Variants in NIN observed in about 807,000 individuals in gnomAD.
The protein encoded by NIN is ninein.
Under a neutral mutation model 257.6 loss-of-function variants are expected in NIN, and 137 were observed. The ratio of observed to expected loss-of-function variants is 0.53; its 90% confidence interval spans 0.46 to 0.61. NIN has a LOEUF of 0.61. Ranked by LOEUF, NIN falls within the 20% of genes least tolerant of loss-of-function variation. NIN has a pLI of 0.00. For synonymous variants in NIN, 918 were observed against 919.8 expected (o/e 1.00, Z 0.04); for missense variants, 2,439 against 2,501.2 (o/e 0.98, Z 0.53).
At chr14:50,751,954 T>C (rs1268015695) in intron 21 of NIN, among the ~76,000 whole-genome samples, 3 of 152,216 alleles carry the variant, frequency 2.0e-5, no homozygotes, top group Non-Finnish European at 4.4e-5. Context: ...CTTCTCACTG[T>C]GGTATATGTT....
In NIN at chr14:50,757,120, A is replaced by G. The variant is rs1487955937; in HGVS notation, c.3910T>C (p.Phe1304Leu). The G allele has an allele frequency of 6.2e-7, 1 of 1,612,722 alleles. No homozygotes were observed. Among genetic ancestry groups the G allele is most frequent in the Non-Finnish European group, 8.5e-7 (1 of 1,179,644 alleles). ...LKKMEEVTET[F>L]LSLEKSYDEV... Reference sequence around the variant, plus strand: ...TCGTAACTCTTTTCCAGGCTGAGGAATGTTTCAGTGACTTCCTCCATTTTC... The same window carrying G: ...TCGTAACTCTTTTCCAGGCTGAGGAGTGTTTCAGTGACTTCCTCCATTTTC... Residue 1304 changes from phenylalanine to leucine, a missense_variant, in exon 18 of 31, where the codon TTC (phenylalanine) becomes CTC (leucine). Coordinates refer to ENST00000530997, the MANE Select transcript of NIN (RefSeq NM_020921.4).
Position 50,777,065 on chromosome 14 carries a change from C to T in NIN, c.550G>A (p.Glu184Lys). Reference sequence around the variant, plus strand: ...TCACAAACTTCTTGCAGTTTCTCTTCTATCCAGTCTTGGGGAGGGGAAGAT... The same window carrying T: ...TCACAAACTTCTTGCAGTTTCTCTTTTATCCAGTCTTGGGGAGGGGAAGAT... ...SGSSPPQDWI[E>K]EKLQEVCEDL... Residue 184 changes from glutamate (E) to lysine (K), a missense_variant, in exon 7 of 31, where the codon GAA becomes AAA. This residue lies in a region of NIN where 387 missense variants were observed against 427.3 expected (regional missense o/e 0.91). Transcript: ENST00000530997. The T allele has an allele frequency of 6.2e-7, 1 of 1,614,244 alleles. No individual in the cohort carries two copies. The highest frequency in any genetic ancestry group is 8.5e-7 in the Non-Finnish European group (1 of 1,180,044).
At chr14:50,760,683 T>C (rs1373225736) in intron 16 of NIN, among the ~76,000 whole-genome samples, 1 of 152,094 alleles carries the variant, frequency 6.6e-6, no homozygotes, top group African/African-American at 2.4e-5. Flanking sequence ...GGAACATATA[T>C]ATTTTTTGAG....
intron 27 of NIN, among the ~76,000 whole-genome samples, chr14:50,737,051 C>T (rs1162473147): frequency 6.6e-6 from 1 of 152,178 alleles, no homozygotes; most frequent in Non-Finnish European, 1.5e-5. Context: ...CGGGTATTCA[C>T]ACCCTTATAC....
chr14:50,812,274 A>T (rs75379901), intron 3 of NIN, among the ~76,000 whole-genome samples: 2,408 of 152,286 alleles, frequency 0.016, 68 homozygotes, highest in African/African-American at 0.055. Flanking sequence ...CTCAAAATTG[A>T]AAGGTGAGAG....
chr14:50,723,229 T>C lies in NIN; in HGVS notation c.*234A>G, dbSNP rs1439822187. ...TTCATATGTCCACATTCTTGGTGGC[T>C]ATTAAAATTTTAAAATAAATTCAAA... is the stretch of plus-strand genomic sequence containing the variant. On this transcript the variant is annotated 3_prime_UTR_variant, in exon 31 of 31. Transcript: ENST00000530997. 2.6e-6 allele frequency: 1 copy of C among 391,088 alleles called. No homozygotes were observed. The highest frequency in any genetic ancestry group is 4.2e-5 in the Admixed American group (1 of 23,810). The allele number at this position is 391,088 out of a possible 1,614,324, so 24.2% of individuals were successfully genotyped here.
chr14:50,808,462 T>C (rs2044432277), intron 3 of NIN, among the ~76,000 whole-genome samples: 1 of 152,216 alleles, frequency 6.6e-6, no homozygotes, highest in African/African-American at 2.4e-5. Context: ...AAAGGCTTTA[T>C]AGCTAGGTGG....
intron 4 of NIN, among the ~76,000 whole-genome samples, chr14:50,793,405 A>T (rs957059345): frequency 6.6e-6 from 1 of 152,076 alleles, no homozygotes; most frequent in African/African-American, 2.4e-5. Context: ...GCAGATGACA[A>T]AACAAAGAAA....
At chr14:50,772,815 G>A in intron 8 of NIN, 134 bp downstream of exon 8, 1 of 761,212 alleles carries the variant, frequency 1.3e-6, no homozygotes, top group Non-Finnish European at 2.1e-6. Context: ...TAATGGTTAA[G>A]TCTTTCTAAT....
chr14:50,732,023 G>A (rs374747727), intron 28 of NIN, among the ~76,000 whole-genome samples: 3 of 152,122 alleles, frequency 2.0e-5, no homozygotes, highest in Non-Finnish European at 4.4e-5. Context: ...TTTGTTGAGT[G>A]TTCAAAACAA....
chr14:50,735,559 C>A lies in NIN; in HGVS notation c.5834G>T (p.Gly1945Val). Residue 1945 changes from glycine to valine, a missense_variant, in exon 28 of 31, where the codon GGC (glycine) becomes GTC (valine). Gly to Val is a moderately radical substitution (Grantham distance 109). Around this residue, in one of 3 missense-constraint regions of NIN, gnomAD observed 2,043 missense variants for 2,050.2 expected, o/e 1.00. Transcript: ENST00000530997. ...ELETIHLENE[G>V]LKKKQVKLDE... is the part of the protein sequence containing the mutation. Reference sequence around the variant, plus strand: ...CAGTTTTACTTGTTTCTTTTTCAGGCCTTCATTTTCCAAATGAATTGTTTC... The same window carrying A: ...CAGTTTTACTTGTTTCTTTTTCAGGACTTCATTTTCCAAATGAATTGTTTC... The A allele has an allele frequency of 6.2e-7, 1 of 1,612,948 alleles. No homozygotes were observed. The highest frequency in any genetic ancestry group is 8.5e-7 in the Non-Finnish European group (1 of 1,179,986).
At chr14:50,744,448 A>AAATAG (rs1257828943) in intron 22 of NIN, 83 bp from the exon 23 acceptor site, 5 of 1,423,472 alleles carry the variant, frequency 3.5e-6, no homozygotes, top group African/African-American at 2.9e-5. Context: ...GGGCATTTTC[A>AAATAG]CAGCTGCTGC....
At position 50,722,427 on chromosome 14, in the gene NIN, T is replaced by TA. The variant is rs772782918; in HGVS notation, c.*1035dup. On this transcript the variant is annotated 3_prime_UTR_variant, in exon 31 of 31. Transcript: ENST00000530997. ...TTTTCCCCCAGAATATTAAATTTAC[T>TA]AAAAACGTAGAAATAAAAATTCTAG... 9.5e-6 allele frequency: 2 copies of TA among 211,048 alleles called. No homozygotes were observed. The highest frequency in any genetic ancestry group is 1.9e-5 in the Non-Finnish European group (2 of 103,838). 13.1% of individuals were successfully genotyped at this position (211,048 alleles called of 1,614,324 possible). A position where few individuals can be genotyped will look rare whatever the true frequency, so the allele number is the denominator to read the frequency against.
chr14:50,830,844 A>G, intron 1 of NIN, 162 bp downstream of exon 1: 1 of 150,338 alleles, frequency 6.7e-6, no homozygotes, highest in Non-Finnish European at 1.5e-5. Flanking sequence ...GCCCGCAGGG[A>G]TTGCGCCCCG....
intron 30 of NIN, chr14:50,724,049 G>T (rs1263879369): frequency 9.9e-6 from 2 of 201,578 alleles, no homozygotes; most frequent in African/African-American, 4.7e-5. Flanking sequence ...AACTCTGCTT[G>T]TAACAACAGA....
chr14:50,763,378 C>T (rs1008043516), intron 15 of NIN, among the ~76,000 whole-genome samples: 1 of 152,224 alleles, frequency 6.6e-6, no homozygotes, highest in Non-Finnish European at 1.5e-5. Context: ...TACAGACATT[C>T]AGCACAGCCC....
In NIN at chr14:50,792,933, T is replaced by C. The variant is rs766761977; in HGVS notation, c.266-52A>G. The C allele has an allele frequency of 2.5e-6, 4 of 1,579,536 alleles. No homozygotes were observed. The Admixed American group carries it at 5.0e-5, about 20-fold the overall frequency. Reference sequence around the variant, plus strand: ...CACATGACATGAGAATCTCAGTTCTTAGCTGCCACTCACAGCCATCGGACA... The same window carrying C: ...CACATGACATGAGAATCTCAGTTCTCAGCTGCCACTCACAGCCATCGGACA... On this transcript the variant is annotated intron_variant, in intron 4 of 30. Coordinates refer to ENST00000530997, the MANE Select transcript of NIN (RefSeq NM_020921.4).
rs35995624 is a variant in NIN, at chr14:50,760,437, CTTTTTTTTT to C, written c.1897-87_1897-79del. On this transcript the variant is annotated intron_variant, in intron 16 of 30. Transcript: ENST00000530997. Reference sequence around the variant, plus strand: ...AAGTGAAGTGATGGAGCAGCAATTGCTTTTTTTTTTTTTTTTTTTTTCCCTACAAGACAT... The same window carrying C: ...AAGTGAAGTGATGGAGCAGCAATTGCTTTTTTTTTTTTCCCTACAAGACAT... 2.9e-4 allele frequency: 123 copies of C among 425,566 alleles called. 4 individuals carry two copies. Among genetic ancestry groups the C allele is most frequent in the East Asian group, 6.2e-4 (13 of 20,852 alleles). The allele number at this position is 425,566 out of a possible 1,614,324, so 26.4% of individuals were successfully genotyped here.
rs1180875032 is a variant in NIN at position 50,768,051 on chromosome 14, CAACACACA to C, written c.1435-1169_1435-1162del. 3.2e-4 allele frequency among the ~76,000 whole-genome samples: 30 copies of C among 93,930 alleles called. No individual in the cohort carries two copies. The East Asian group carries it at 9.5e-3, about 30-fold the overall frequency. The allele number at this position is 93,930 out of a possible 152,430, so 61.6% of individuals were successfully genotyped here. ...AAGAAAGATTTCCAACCACATTTGC[CAACACACA>C]CACACACACACACACACACACACAC... On this transcript the variant is annotated intron_variant, in intron 12 of 30. Transcript: ENST00000530997.
Sources: gnomAD v4.1 joint callset for allele counts (sites outside exome capture counted in the v4.1 genomes callset) on GRCh38, gnomAD v4.1.1 for gene constraint, gnomAD v4.1.1 regional missense constraint, MANE v1.5 for transcripts, NCBI Gene and HGNC (gene_info 2026-07-23, HGNC 2026-07-21) for gene names.